Variants in SSBP2 observed in about 807,000 individuals in gnomAD.
SSBP2 encodes single stranded DNA binding protein 2.
Under a neutral mutation model 61.8 loss-of-function variants are expected in SSBP2, and 17 were observed. That is an observed-to-expected ratio of 0.28 (90% CI 0.19 to 0.41). SSBP2 has a LOEUF of 0.41. Among genes scored for constraint, SSBP2 ranks in the 10% least tolerant of loss-of-function variants. The pLI is 1.00. For synonymous variants in SSBP2, 139 were observed against 141.3 expected (o/e 0.98, Z 0.12); for missense variants, 310 against 458.7 (o/e 0.68, Z 2.96).
At chr5:81,624,427 A>T (rs1746931879) in intron 3 of SSBP2, among the ~76,000 whole-genome samples, 1 of 152,114 alleles carries the variant, frequency 6.6e-6, no homozygotes, top group African/African-American at 2.4e-5. Context: ...TTCAGATTTA[A>T]ATTTTTTTTG....
chr5:81,492,947 A>AGT (rs908203777), intron 5 of SSBP2, among the ~76,000 whole-genome samples: 12 of 152,222 alleles, frequency 7.9e-5, no homozygotes, highest in Non-Finnish European at 1.3e-4. Flanking sequence ...AAATATTTGA[A>AGT]GTGTGTGTGG....
At chr5:81,677,530 C>G (rs539982715) in intron 1 of SSBP2, among the ~76,000 whole-genome samples, 1 of 152,218 alleles carries the variant, frequency 6.6e-6, no homozygotes, top group South Asian at 2.1e-4. Flanking sequence ...TAAAAAAACT[C>G]CACGGGGAAC....
chr5:81,645,845 G>A (rs563621905), intron 2 of SSBP2, among the ~76,000 whole-genome samples: 1 of 152,258 alleles, frequency 6.6e-6, no homozygotes, highest in African/African-American at 2.4e-5. Context: ...GATTCAGGTA[G>A]TGGTTTAAAA....
chr5:81,476,822 T>A (rs1024078795), intron 6 of SSBP2, among the ~76,000 whole-genome samples: 3 of 152,220 alleles, frequency 2.0e-5, no homozygotes, highest in Admixed American at 2.0e-4. Flanking sequence ...ATTCTTTTTA[T>A]ATTTATTAGT....
At chr5:81,502,543 C>G (rs148138108) in intron 5 of SSBP2, among the ~76,000 whole-genome samples, 61 of 152,286 alleles carry the variant, frequency 4.0e-4, no homozygotes, top group Non-Finnish European at 7.1e-4. Context: ...CTAGCTCAAG[C>G]CTCAAACATA....
intron 1 of SSBP2, among the ~76,000 whole-genome samples, chr5:81,700,630 G>GA (rs1366926783): frequency 6.6e-6 from 1 of 152,204 alleles, no homozygotes; most frequent in Admixed American, 6.5e-5. Context: ...CAACTACACT[G>GA]AAAATCTCTT....
intron 3 of SSBP2, among the ~76,000 whole-genome samples, chr5:81,624,203 A>C (rs1387538499): frequency 6.6e-6 from 1 of 152,216 alleles, no homozygotes; most frequent in East Asian, 1.9e-4. Flanking sequence ...TTAATTAAAA[A>C]TTAAATACAA....
intron 1 of SSBP2, among the ~76,000 whole-genome samples, chr5:81,748,753 G>T (rs921547261): frequency 6.6e-6 from 1 of 152,154 alleles, no homozygotes; most frequent in Non-Finnish European, 1.5e-5. Context: ...ATCTGCTCAC[G>T]AGAGTAGATA....
intron 1 of SSBP2, among the ~76,000 whole-genome samples, chr5:81,658,921 A>G (rs1464877880): frequency 3.3e-5 from 5 of 152,226 alleles, no homozygotes; most frequent in Non-Finnish European, 7.3e-5. Flanking sequence ...CTAAAGCCAC[A>G]TGATTATCTC....
chr5:81,507,641 A>C (rs1273285829), intron 5 of SSBP2, among the ~76,000 whole-genome samples: 1 of 152,126 alleles, frequency 6.6e-6, no homozygotes, highest in East Asian at 1.9e-4. Context: ...TAGAGTGATA[A>C]GGAAGTTATA....
chr5:81,672,384 T>C (rs1376565628), intron 1 of SSBP2, among the ~76,000 whole-genome samples: 1 of 151,880 alleles, frequency 6.6e-6, no homozygotes, highest in African/African-American at 2.4e-5. Context: ...TACAAGAAAA[T>C]AGTCCATATT....
chr5:81,701,947 T>C lies in SSBP2; in HGVS notation c.62+49034A>G, dbSNP rs555779197. Among the ~76,000 whole-genome samples, 3 of 152,348 alleles carry C rather than the reference T, an allele frequency of 2.0e-5. No individual in the cohort carries two copies. The South Asian group carries it at 6.2e-4, about 32-fold the overall frequency. ...AGTTAATGAAAAGTTTAGAAAATATTGCATTAATGTTTTCACAGATTATTA... is the reference window on the plus strand; with the variant it reads ...AGTTAATGAAAAGTTTAGAAAATATCGCATTAATGTTTTCACAGATTATTA... On this transcript the variant is annotated intron_variant, in intron 1 of 16. Coordinates refer to ENST00000320672, the MANE Select transcript of SSBP2 (RefSeq NM_012446.5).
chr5:81,458,831 G>A (rs1027702103), intron 10 of SSBP2, among the ~76,000 whole-genome samples: 6 of 152,058 alleles, frequency 3.9e-5, no homozygotes, highest in Non-Finnish European at 7.4e-5. Flanking sequence ...CTAGAAAGTC[G>A]TCAGTTATCT....
At chr5:81,428,478 CT>C (rs758710073) in intron 16 of SSBP2, 106 bp downstream of exon 16, 98 of 718,620 alleles carry the variant, frequency 1.4e-4, no homozygotes, top group Non-Finnish European at 2.2e-4. Context: ...AAAGATAAAC[CT>C]GTTGAACTCT....
intron 1 of SSBP2, among the ~76,000 whole-genome samples, chr5:81,707,139 G>A (rs1229744377): frequency 6.6e-6 from 1 of 152,132 alleles, no homozygotes; most frequent in Non-Finnish European, 1.5e-5. Flanking sequence ...ACAGAGCAGT[G>A]AGGATCAAAT....
Position 81,420,229 on chromosome 5 carries a change from A to G in SSBP2, c.*275T>C, listed in dbSNP as rs887537042. The G allele has an allele frequency of 2.1e-6, 1 of 470,020 alleles. No individual in the cohort carries two copies. The highest frequency in any genetic ancestry group is 2.0e-5 in the African/African-American group (1 of 51,174). The allele number at this position is 470,020 out of a possible 1,614,324, so 29.1% of individuals were successfully genotyped here. ...ATATGTCTGTATAACATACACATATACAGTACATTCTCTTTCCCACACATA... is the reference window on the plus strand; with the variant it reads ...ATATGTCTGTATAACATACACATATGCAGTACATTCTCTTTCCCACACATA... On this transcript the variant is annotated 3_prime_UTR_variant, in exon 17 of 17. Transcript: ENST00000320672.
chr5:81,691,088 T>G (rs1753169993), intron 1 of SSBP2, among the ~76,000 whole-genome samples: 1 of 151,936 alleles, frequency 6.6e-6, no homozygotes, highest in South Asian at 2.1e-4. Flanking sequence ...AGAGGAAAGT[T>G]TATAGCTATA....
At chr5:81,600,045 C>A (rs891206206) in intron 4 of SSBP2, among the ~76,000 whole-genome samples, 3 of 151,994 alleles carry the variant, frequency 2.0e-5, no homozygotes, top group South Asian at 2.1e-4. Flanking sequence ...CCTGGCAATG[C>A]CAATAAATGT....
intron 5 of SSBP2, among the ~76,000 whole-genome samples, chr5:81,495,915 T>G (rs1767241332): frequency 6.6e-6 from 1 of 152,142 alleles, no homozygotes; most frequent in African/African-American, 2.4e-5. Flanking sequence ...AAATGTCAAT[T>G]GCTAAGCATT....
Sources: allele counts gnomAD v4.1 joint callset (sites outside exome capture counted in the v4.1 genomes callset), GRCh38; gene constraint gnomAD v4.1.1; transcripts MANE v1.5; gene names NCBI Gene and HGNC (gene_info 2026-07-23, HGNC 2026-07-21).